SLC35F3: variants seen among roughly 807,000 people sequenced by gnomAD.
SLC35F3 encodes putative thiamine transporter SLC35F3.
In SLC35F3, 25 loss-of-function variants were observed where a neutral mutation model predicts 49.9. The observed-to-expected ratio is 0.50, with a 90% CI of 0.37 to 0.70. The LOEUF (loss-of-function observed/expected upper bound fraction) is 0.70, where lower values mean the gene tolerates loss of function less well. SLC35F3 is among the 30% of genes least tolerant of loss of function. The pLI is 0.00. For synonymous variants in SLC35F3, 275 were observed against 265.4 expected (o/e 1.04, Z -0.35); for missense variants, 525 against 639.8 (o/e 0.82, Z 1.94).
chr1:233,935,088 C>A (rs1662302101), intron 2 of SLC35F3, among the ~76,000 whole-genome samples: 1 of 148,328 alleles, frequency 6.7e-6, no homozygotes, highest in Non-Finnish European at 1.5e-5. Flanking sequence ...ACATTTCAGT[C>A]ATGATTATTT....
At chr1:234,112,630 G>A (rs763801558) in intron 2 of SLC35F3, among the ~76,000 whole-genome samples, 2 of 138,782 alleles carry the variant, frequency 1.4e-5, no homozygotes, top group African/African-American at 2.6e-5. Flanking sequence ...ATCTCGGCTC[G>A]CTGCAAGCTC....
At chr1:234,204,285 A>G (rs1666940929) in intron 2 of SLC35F3, among the ~76,000 whole-genome samples, 1 of 152,206 alleles carries the variant, frequency 6.6e-6, no homozygotes, top group African/African-American at 2.4e-5. Flanking sequence ...AAGATATATC[A>G]ATTTTTATTC....
intron 3 of SLC35F3, among the ~76,000 whole-genome samples, chr1:234,246,980 G>A (rs544734411): frequency 9.2e-5 from 14 of 152,224 alleles, no homozygotes; most frequent in Non-Finnish European, 2.1e-4. Flanking sequence ...AGACACGGCA[G>A]GGTGTGATGG....
intron 7 of SLC35F3, among the ~76,000 whole-genome samples, chr1:234,322,673 G>GTGTC (rs993147702): frequency 1.3e-5 from 2 of 151,944 alleles, no homozygotes; most frequent in African/African-American, 4.8e-5. Context: ...GTGTGTGTGT[G>GTGTC]TGTGTGTGTG....
chr1:233,976,888 G>A (rs139430887), intron 2 of SLC35F3, among the ~76,000 whole-genome samples: 4,586 of 152,276 alleles, frequency 0.03, 217 homozygotes, highest in African/African-American at 0.1. Flanking sequence ...TGGAATTACA[G>A]GCGTGAGCCA....
At chr1:234,039,812 C>T (rs944204433) in intron 2 of SLC35F3, among the ~76,000 whole-genome samples, 1 of 152,194 alleles carries the variant, frequency 6.6e-6, no homozygotes. Context: ...ATGCACGCCC[C>T]GCGGCAGCAT....
chr1:233,904,925 G>A lies in SLC35F3; in HGVS notation c.-153G>A, dbSNP rs1027689052. The A allele has an allele frequency of 3.2e-5, 24 of 747,140 alleles. No homozygotes were observed. The highest frequency in any genetic ancestry group is 4.9e-5 in the Non-Finnish European group (24 of 494,546). The allele number at this position is 747,140 out of a possible 1,614,324, so 46.3% of individuals were successfully genotyped here. A position where few individuals can be genotyped will look rare whatever the true frequency, so the allele number is the denominator to read the frequency against. On this transcript the variant is annotated 5_prime_UTR_variant, in exon 1 of 8. Coordinates refer to ENST00000366618, the MANE Select transcript of SLC35F3 (RefSeq NM_173508.4). ...AGGCGCTCGGGTACAGACCGCGCGG[G>A]CGCGCACAAAGCGGCCCGGGGCGGC...
At chr1:233,926,110 C>G (rs890735694) in intron 2 of SLC35F3, among the ~76,000 whole-genome samples, 1 of 152,080 alleles carries the variant, frequency 6.6e-6, no homozygotes, top group Non-Finnish European at 1.5e-5. Context: ...AGTTAGGTGT[C>G]TTGGGGTTGC....
chr1:234,225,128 G>A (rs1421226034), intron 2 of SLC35F3, among the ~76,000 whole-genome samples: 4 of 152,218 alleles, frequency 2.6e-5, no homozygotes, highest in African/African-American at 7.2e-5. Flanking sequence ...GCTTTGGGAC[G>A]TTTGGGGCAT....
intron 2 of SLC35F3, among the ~76,000 whole-genome samples, chr1:234,129,496 C>T (rs559678999): frequency 2.6e-5 from 4 of 152,144 alleles, no homozygotes; most frequent in Non-Finnish European, 5.9e-5. Context: ...GAAGACTCAA[C>T]ATTTAGATGT....
chr1:234,023,586 T>G (rs954140750), intron 2 of SLC35F3, among the ~76,000 whole-genome samples: 1 of 151,776 alleles, frequency 6.6e-6, no homozygotes, highest in Non-Finnish European at 1.5e-5. Context: ...CTCAAGGAAG[T>G]GGAGCTGTGC....
intron 2 of SLC35F3, among the ~76,000 whole-genome samples, chr1:233,942,125 T>C (rs891788966): frequency 6.6e-6 from 1 of 151,944 alleles, no homozygotes; most frequent in African/African-American, 2.4e-5. Context: ...CACACCCAGC[T>C]AATTTTTTGT....
chr1:233,905,190 G>T, intron 1 of SLC35F3, 60 bp downstream of exon 1: 1 of 1,530,428 alleles, frequency 6.5e-7, no homozygotes, highest in Non-Finnish European at 8.8e-7. Flanking sequence ...GAGCGCCGGG[G>T]TAGCCCTTTG....
chr1:234,163,677 A>G lies in SLC35F3; in HGVS notation c.284-67740A>G, dbSNP rs528108605. Among the ~76,000 whole-genome samples the G allele has an allele frequency of 1.2e-3, 188 of 152,358 alleles. 1 individual carries two copies. The highest frequency in any genetic ancestry group is 2.1e-3 in the Non-Finnish European group (146 of 68,040). ...GAGCAAATGCTTTCTGTAGAGAAGAACATGCACCCAACAGATGGATGTTTC... is the reference window on the plus strand; with the variant it reads ...GAGCAAATGCTTTCTGTAGAGAAGAGCATGCACCCAACAGATGGATGTTTC... On this transcript the variant is annotated intron_variant, in intron 2 of 7. Transcript: ENST00000366618.
chr1:234,182,385 T>C (rs1441509707), intron 2 of SLC35F3, among the ~76,000 whole-genome samples: 1 of 152,228 alleles, frequency 6.6e-6, no homozygotes, highest in Non-Finnish European at 1.5e-5. Flanking sequence ...AGCCATTTTT[T>C]AAGGAGCCCT....
chr1:234,242,929 A>G (rs931434757), intron 3 of SLC35F3, among the ~76,000 whole-genome samples: 1 of 152,242 alleles, frequency 6.6e-6, no homozygotes, highest in Non-Finnish European at 1.5e-5. Flanking sequence ...AGGGAAAAAC[A>G]GAAGAGAACT....
chr1:234,219,120 C>T (rs1266290887), intron 2 of SLC35F3, among the ~76,000 whole-genome samples: 1 of 149,858 alleles, frequency 6.7e-6, no homozygotes, highest in Non-Finnish European at 1.5e-5. Flanking sequence ...GGTTGGGACC[C>T]CCATGGGGGG....
intron 2 of SLC35F3, among the ~76,000 whole-genome samples, chr1:233,955,617 G>A (rs1196271489): frequency 6.6e-6 from 1 of 152,056 alleles, no homozygotes; most frequent in Non-Finnish European, 1.5e-5. Context: ...TGCTGCTTTT[G>A]TTCAGGTTTT....
chr1:234,215,924 C>T (rs2102942447), intron 2 of SLC35F3, among the ~76,000 whole-genome samples: 2 of 152,306 alleles, frequency 1.3e-5, no homozygotes, highest in East Asian at 3.9e-4. Context: ...AGCATTTTTT[C>T]CAGAACATCA....
Sources: gnomAD v4.1 joint callset for allele counts (sites outside exome capture counted in the v4.1 genomes callset) on GRCh38, gnomAD v4.1.1 for gene constraint, MANE v1.5 for transcripts, NCBI Gene and HGNC (gene_info 2026-07-23, HGNC 2026-07-21) for gene names.